The following ARHGAP22 variants were observed in gnomAD, a reference collection of about 807,000 sequenced individuals.
ARHGAP22 encodes the protein Rho GTPase activating protein 22.
Under a neutral mutation model 59.1 loss-of-function variants are expected in ARHGAP22, and 48 were observed. That is an observed-to-expected ratio of 0.81 (90% CI 0.64 to 1.03). The LOEUF is 1.03. Ranked by LOEUF, ARHGAP22 falls within the 50% of genes least tolerant of loss-of-function variation. The pLI is 0.00. For missense variants in ARHGAP22, 1,015 were observed against 958.7 expected (o/e 1.06, Z -0.78); for synonymous variants, 445 against 416.4 (o/e 1.07, Z -0.84).
chr10:48,576,385 C>T (rs1056015813), intron 2 of ARHGAP22, among the ~76,000 whole-genome samples: 6 of 152,154 alleles, frequency 3.9e-5, no homozygotes, highest in African/African-American at 7.2e-5. Flanking sequence ...TGCTGCATTC[C>T]GTTTTTTGGT....
chr10:48,477,769 G>A (rs2048886253), intron 4 of ARHGAP22, among the ~76,000 whole-genome samples: 1 of 152,168 alleles, frequency 6.6e-6, no homozygotes, highest in South Asian at 2.1e-4. Context: ...TGGTCATGAG[G>A]ATTTCTTATT....
At chr10:48,614,161 A>T (rs1289325817) in intron 1 of ARHGAP22, among the ~76,000 whole-genome samples, 1 of 152,248 alleles carries the variant, frequency 6.6e-6, no homozygotes, top group Non-Finnish European at 1.5e-5. Context: ...AGCTAATCAA[A>T]TATGGGCAGA....
chr10:48,642,056 T>A (rs1350792079), intron 1 of ARHGAP22, among the ~76,000 whole-genome samples: 1 of 151,584 alleles, frequency 6.6e-6, no homozygotes, highest in African/African-American at 2.4e-5. Context: ...CTTCAAGGAG[T>A]ACTACAAATC....
At chr10:48,641,094 A>G (rs1026212254) in intron 1 of ARHGAP22, among the ~76,000 whole-genome samples, 3 of 152,200 alleles carry the variant, frequency 2.0e-5, no homozygotes, top group African/African-American at 7.2e-5. Context: ...CACTAAGACA[A>G]CACAAAAAAT....
rs771427326 is a variant in ARHGAP22 at position 48,450,804 on chromosome 10, G to C, written c.1325C>G (p.Pro442Arg). The C allele has an allele frequency of 3.8e-6, 6 of 1,577,084 alleles. No homozygotes were observed. The highest frequency in any genetic ancestry group is 2.3e-5 in the East Asian group (1 of 43,402). The change falls in exon 9 of 10, where the codon CCG (proline) becomes CGG (arginine). Residue 442 changes from proline to arginine, a missense_variant. Physicochemically the swap from Pro to Arg is moderately radical, Grantham distance 103 (BLOSUM62 -2). Coordinates refer to ENST00000249601, the MANE Select transcript of ARHGAP22 (RefSeq NM_021226.4). ...FRQPRSLSGS[P>R]KGGGSSLEVP... ...CTCCAGGGATGAGCCGCCCCCCTTC[G>C]GGCTTCCCGATAGGGACCTCGGCTG...
chr10:48,442,395 T>C (rs1334602875), downstream of ARHGAP22, among the ~76,000 whole-genome samples: 1 of 152,204 alleles, frequency 6.6e-6, no homozygotes, highest in African/African-American at 2.4e-5. Flanking sequence ...TACAGGTTCG[T>C]CAAGTCAAGC....
At chr10:48,570,624 T>C (rs2058338518) in intron 2 of ARHGAP22, among the ~76,000 whole-genome samples, 1 of 152,154 alleles carries the variant, frequency 6.6e-6, no homozygotes, top group African/African-American at 2.4e-5. Flanking sequence ...AGGTAATCAG[T>C]TGCTTGTTCT....
intron 3 of ARHGAP22, among the ~76,000 whole-genome samples, chr10:48,547,607 T>C (rs1223433562): frequency 6.6e-6 from 1 of 152,244 alleles, no homozygotes; most frequent in Non-Finnish European, 1.5e-5. Flanking sequence ...TCAGAGCAGC[T>C]GTGGTACCCT....
intron 2 of ARHGAP22, among the ~76,000 whole-genome samples, chr10:48,563,381 G>A (rs893292985): frequency 6.6e-6 from 1 of 152,016 alleles, no homozygotes; most frequent in Non-Finnish European, 1.5e-5. Context: ...TTTTAGTGGA[G>A]ATGGGGTTTC....
At chr10:48,524,081 G>T in intron 3 of ARHGAP22, 5 of 1,474,430 alleles carry the variant, frequency 3.4e-6, no homozygotes, top group Non-Finnish European at 4.5e-6. Flanking sequence ...GTCCCCTCCA[G>T]TCCTTGCAGC....
intron 1 of ARHGAP22, among the ~76,000 whole-genome samples, chr10:48,602,279 T>C (rs2060430183): frequency 6.6e-6 from 1 of 152,154 alleles, no homozygotes; most frequent in African/African-American, 2.4e-5. Context: ...TCCTGAGACA[T>C]TGACACTCCT....
At chr10:48,497,640 G>T (rs1158574405) in intron 3 of ARHGAP22, among the ~76,000 whole-genome samples, 1 of 152,140 alleles carries the variant, frequency 6.6e-6, no homozygotes, top group Non-Finnish European at 1.5e-5. Context: ...GGAAAGAAGA[G>T]GCAGGGCACT....
intron 1 of ARHGAP22, among the ~76,000 whole-genome samples, chr10:48,590,466 C>T (rs919862252): frequency 3.9e-5 from 6 of 152,146 alleles, no homozygotes; most frequent in Non-Finnish European, 8.8e-5. Flanking sequence ...ATGAGGCCTT[C>T]CTCTGCTCGG....
At chr10:48,600,835 A>T (rs1376692884) in intron 1 of ARHGAP22, among the ~76,000 whole-genome samples, 4 of 152,194 alleles carry the variant, frequency 2.6e-5, no homozygotes, top group African/African-American at 9.7e-5. Context: ...AGCTACAAAC[A>T]GTGGTGCCAG....
intron 2 of ARHGAP22, among the ~76,000 whole-genome samples, chr10:48,563,335 A>G (rs2057827863): frequency 6.6e-6 from 1 of 151,772 alleles, no homozygotes; most frequent in Non-Finnish European, 1.5e-5. Flanking sequence ...CTGGGACTAC[A>G]GGCGCCCACC....
chr10:48,453,675 G>A (rs759885244), intron 7 of ARHGAP22, among the ~76,000 whole-genome samples: 5 of 152,268 alleles, frequency 3.3e-5, no homozygotes, highest in Non-Finnish European at 7.3e-5. Context: ...ACAAGACTCT[G>A]CAAATTGTAG....
Position 48,459,696 on chromosome 10 carries a change from G to C in ARHGAP22, c.647C>G (p.Pro216Arg). 1 of 1,614,162 alleles carries C rather than the reference G, an allele frequency of 6.2e-7. No homozygotes were observed. Among genetic ancestry groups the C allele is most frequent in the Non-Finnish European group, 8.5e-7 (1 of 1,180,010 alleles). Residue 216 changes from proline to arginine, a missense_variant, in exon 5 of 10, where the codon CCA (proline) becomes CGA (arginine). Coordinates refer to ENST00000249601, the MANE Select transcript of ARHGAP22 (RefSeq NM_021226.4). ...ATCACAAGCTCACCTGTCAAACAGT[G>C]GCTTCTCCCCACAGTCGAAGGAATC... Reference protein sequence around the residue: ...LQDSFDCGEKPLFDSTTDVHT... With the variant: ...LQDSFDCGEKRLFDSTTDVHT...
chr10:48,587,328 G>A (rs747934545), intron 1 of ARHGAP22, among the ~76,000 whole-genome samples: 3 of 152,254 alleles, frequency 2.0e-5, no homozygotes, highest in Non-Finnish European at 2.9e-5. Flanking sequence ...CCCTGGGCTC[G>A]AGAGGAGTCT....
chr10:48,559,720 G>T (rs1056178441), intron 2 of ARHGAP22, among the ~76,000 whole-genome samples: 10 of 151,376 alleles, frequency 6.6e-5, no homozygotes, highest in African/African-American at 2.4e-4. Flanking sequence ...TTTTCTATTG[G>T]GTTGTCTTTT....
Sources: gnomAD v4.1 joint callset for allele counts (sites outside exome capture counted in the v4.1 genomes callset) on GRCh38, gnomAD v4.1.1 for gene constraint, MANE v1.5 for transcripts, NCBI Gene and HGNC (gene_info 2026-07-23, HGNC 2026-07-21) for gene names.